Variants in EIF2B3 observed in about 807,000 individuals in gnomAD.
EIF2B3 encodes eukaryotic translation initiation factor 2B subunit gamma.
A neutral mutation model predicts 54.1 loss-of-function variants in EIF2B3; 20 were observed. The observed-to-expected ratio is 0.37, with a 90% CI of 0.26 to 0.54. The LOEUF is 0.54. Ranked by LOEUF, EIF2B3 falls within the 20% of genes least tolerant of loss-of-function variation. The pLI, the probability that EIF2B3 is intolerant of heterozygous loss-of-function variation, is 0.86. For missense variants in EIF2B3, 448 were observed against 547.8 expected (o/e 0.82, Z 1.82); for synonymous variants, 153 against 188.1 (o/e 0.81, Z 1.52).
chr1:44,975,923 G>A (rs992537951), intron 3 of EIF2B3, among the ~76,000 whole-genome samples: 10 of 152,074 alleles, frequency 6.6e-5, no homozygotes, highest in South Asian at 4.1e-4. Context: ...GAGGTGGTGC[G>A]GTGAGGAGGT....
intron 3 of EIF2B3, among the ~76,000 whole-genome samples, chr1:44,966,533 G>C (rs1177622722): frequency 1.3e-5 from 2 of 151,272 alleles, no homozygotes; most frequent in African/African-American, 4.9e-5. Flanking sequence ...GACAATCCAA[G>C]AGCACAGGAA....
At chr1:44,910,958 T>C (rs1265788368) in intron 5 of EIF2B3, among the ~76,000 whole-genome samples, 3 of 152,098 alleles carry the variant, frequency 2.0e-5, no homozygotes, top group Admixed American at 6.6e-5. Flanking sequence ...CTGAGCAGTA[T>C]AGACTGAACC....
At chr1:44,869,388 G>C (rs1238079586) in intron 10 of EIF2B3, among the ~76,000 whole-genome samples, 1 of 151,178 alleles carries the variant, frequency 6.6e-6, no homozygotes, top group African/African-American at 2.4e-5. Flanking sequence ...TGAGGCAGGA[G>C]AATCGCTTGA....
At chr1:44,966,312 G>A (rs1297509602) in intron 3 of EIF2B3, among the ~76,000 whole-genome samples, 1 of 151,822 alleles carries the variant, frequency 6.6e-6, no homozygotes, top group East Asian at 1.9e-4. Context: ...GGTGGCGGGT[G>A]CCTGTAGTCC....
At chr1:44,915,545 A>G (rs1643604679) in intron 5 of EIF2B3, among the ~76,000 whole-genome samples, 1 of 151,960 alleles carries the variant, frequency 6.6e-6, no homozygotes, top group African/African-American at 2.4e-5. Flanking sequence ...AAAAATATTT[A>G]TAGAGATGAG....
rs1171020644 is a variant in EIF2B3 at position 44,951,954 on chromosome 1, A to ATT, written c.295-10291_295-10290dup. Reference sequence around the variant, plus strand: ...AGGGGCGCACCACCATGCCTGGCTAATTTTTTTTTTTTTTTTTTTTTTTTT... The same window carrying ATT: ...AGGGGCGCACCACCATGCCTGGCTAATTTTTTTTTTTTTTTTTTTTTTTTTTT... On this transcript the variant is annotated intron_variant, in intron 3 of 11. Coordinates refer to ENST00000360403, the MANE Select transcript of EIF2B3 (RefSeq NM_020365.5). Among the ~76,000 whole-genome samples the ATT allele has an allele frequency of 4.4e-3, 195 of 44,650 alleles. 36 individuals are homozygous for ATT. Among genetic ancestry groups the ATT allele is most frequent in the African/African-American group, 0.014 (106 of 7,338 alleles). The allele number at this position is 44,650 out of a possible 152,430, so 29.3% of individuals were successfully genotyped here.
chr1:44,986,390 A>G (rs1168817099), intron 1 of EIF2B3, 103 bp downstream of exon 1: 3 of 152,212 alleles, frequency 2.0e-5, no homozygotes, highest in African/African-American at 7.2e-5. Flanking sequence ...AGTCGAGCTG[A>G]CAACTTCGGG....
At chr1:44,902,094 T>TA (rs1206581186) in intron 5 of EIF2B3, among the ~76,000 whole-genome samples, 1 of 152,172 alleles carries the variant, frequency 6.6e-6, no homozygotes, top group African/African-American at 2.4e-5. Flanking sequence ...ACATCTCAGG[T>TA]AAAAATCAAA....
chr1:44,970,225 G>C (rs1644386215), intron 3 of EIF2B3, among the ~76,000 whole-genome samples: 1 of 152,048 alleles, frequency 6.6e-6, no homozygotes, highest in African/African-American at 2.4e-5. Context: ...ATGTGATGGA[G>C]GTTTCCACAT....
chr1:44,852,569 C>T (rs1654307758), intron 11 of EIF2B3, among the ~76,000 whole-genome samples: 1 of 152,042 alleles, frequency 6.6e-6, no homozygotes, highest in East Asian at 2.0e-4. Flanking sequence ...CACCTGAGGT[C>T]GGGAGTTCAA....
At chr1:44,959,196 T>TC in intron 3 of EIF2B3, 1 of 699,482 alleles carries the variant, frequency 1.4e-6, no homozygotes, top group African/African-American at 1.8e-5. Context: ...GAATAACAAC[T>TC]CCAAGTTTCC....
At chr1:44,961,930 A>T (rs1557706446) in intron 3 of EIF2B3, among the ~76,000 whole-genome samples, 1 of 152,068 alleles carries the variant, frequency 6.6e-6, no homozygotes, top group African/African-American at 2.4e-5. Context: ...AGTGGCTCAC[A>T]CCTGTAATCC....
intron 10 of EIF2B3, among the ~76,000 whole-genome samples, chr1:44,864,749 T>C (rs973292632): frequency 6.6e-6 from 1 of 152,232 alleles, no homozygotes; most frequent in Non-Finnish European, 1.5e-5. Flanking sequence ...AGCCCTGGAA[T>C]ACTTCTGATG....
Position 44,881,455 on chromosome 1 carries a change from C to T in EIF2B3, c.784+157G>A, listed in dbSNP as rs775501966. Among the ~76,000 whole-genome samples, 5 of 152,194 alleles carry T rather than the reference C, an allele frequency of 3.3e-5. No individual in the cohort carries two copies. Among genetic ancestry groups the T allele is most frequent in the Non-Finnish European group, 7.3e-5 (5 of 68,038 alleles). The stretch of plus-strand genomic sequence containing the variant: ...CAGAATCTGCCTGAGCAAGCTTACC[C>T]AGAGCTCAGTGGGTTGGCAAGCCTG... On this transcript the variant is annotated intron_variant, in intron 7 of 11. Transcript: ENST00000360403. The surrounding 1 kb of genome is among the most constrained non-coding windows in gnomAD (Gnocchi z 4.0).
rs558248025 is a variant in EIF2B3, at chr1:44,918,762, C to T, written c.566+7866G>A. Among the ~76,000 whole-genome samples the T allele has an allele frequency of 3.9e-4, 60 of 152,248 alleles. No homozygotes were observed. In the South Asian group the frequency reaches 0.011, roughly 28 times the overall value. ...TAATCTGATTTTCCATTGTGGAAAA[C>T]AGGATTTAACTTATTTTCATCATCA... On this transcript the variant is annotated intron_variant, in intron 5 of 11. Transcript: ENST00000360403.
intron 3 of EIF2B3, among the ~76,000 whole-genome samples, chr1:44,951,512 T>A (rs452989): frequency 6.6e-6 from 1 of 151,946 alleles, no homozygotes; most frequent in African/African-American, 2.4e-5. Context: ...TATACATCAC[T>A]GTCTTCCTTA....
At chr1:44,861,897 G>T (rs1335404557) in intron 10 of EIF2B3, among the ~76,000 whole-genome samples, 2 of 152,144 alleles carry the variant, frequency 1.3e-5, no homozygotes, top group African/African-American at 4.8e-5. Context: ...TTATTGTGCA[G>T]CCCAAATCAC....
chr1:44,924,207 T>C (rs1407163320), intron 5 of EIF2B3, among the ~76,000 whole-genome samples: 3 of 152,182 alleles, frequency 2.0e-5, no homozygotes, highest in Admixed American at 1.3e-4. Context: ...CCCAAAGTGC[T>C]GGGATTACAG....
intron 4 of EIF2B3, among the ~76,000 whole-genome samples, chr1:44,933,325 A>G (rs1238286497): frequency 6.6e-6 from 1 of 152,248 alleles, no homozygotes; most frequent in East Asian, 1.9e-4. Flanking sequence ...GAATAACTAT[A>G]TTAGGAAATT....
Sources: gnomAD v4.1 joint callset for allele counts (sites outside exome capture counted in the v4.1 genomes callset) on GRCh38, gnomAD v4.1.1 for gene constraint, Gnocchi (gnomAD v3.1) non-coding constraint, MANE v1.5 for transcripts, NCBI Gene and HGNC (gene_info 2026-07-23, HGNC 2026-07-21) for gene names.